AGBL4: variants seen among roughly 807,000 people sequenced by gnomAD.
AGBL4 encodes AGBL carboxypeptidase 4, also known as cytosolic carboxypeptidase 6.
A neutral mutation model predicts 66.4 loss-of-function variants in AGBL4; 58 were observed. The ratio of observed to expected loss-of-function variants is 0.87; its 90% CI spans 0.71 to 1.09. The LOEUF is 1.09. Ranked by LOEUF, AGBL4 falls within the 50% of genes least tolerant of loss-of-function variation. The probability of loss-of-function intolerance (pLI) is 0.00; values close to 1 mark genes in which losing one functional copy is unlikely to be tolerated. For missense variants in AGBL4, 579 were observed against 631.0 expected (o/e 0.92, Z 0.88); for synonymous variants, 234 against 222.9 (o/e 1.05, Z -0.44).
intron 5 of AGBL4, among the ~76,000 whole-genome samples, chr1:49,006,552 G>A (rs1260771860): frequency 6.6e-6 from 1 of 152,214 alleles, no homozygotes; most frequent in Non-Finnish European, 1.5e-5. Flanking sequence ...GCCTGCCTCT[G>A]TAGGCTCCAC....
At chr1:49,784,355 A>C (rs1488087738) in intron 2 of AGBL4, among the ~76,000 whole-genome samples, 2 of 152,122 alleles carry the variant, frequency 1.3e-5, no homozygotes, top group African/African-American at 2.4e-5. Flanking sequence ...TTTTTGACAC[A>C]GGTGCCAAGA....
rs1657860648 is a variant in AGBL4 at position 49,969,398 on chromosome 1, A to G, written c.34+54365T>C. Reference sequence around the variant, plus strand: ...GTGTGTGTGTGTGTATGTGTATGATACAGGCATATTTCTAAGTATACAACA... The same window carrying G: ...GTGTGTGTGTGTGTATGTGTATGATGCAGGCATATTTCTAAGTATACAACA... On this transcript the variant is annotated intron_variant, in intron 1 of 13. Transcript: ENST00000371839. Among the ~76,000 whole-genome samples, 5 of 152,148 alleles carry G rather than the reference A, an allele frequency of 3.3e-5. No homozygotes were observed. The South Asian group carries it at 1.0e-3, about 32-fold the overall frequency.
intron 6 of AGBL4, among the ~76,000 whole-genome samples, chr1:48,826,222 T>C (rs1490038854): frequency 6.6e-6 from 1 of 152,192 alleles, no homozygotes; most frequent in Non-Finnish European, 1.5e-5. Flanking sequence ...CCTCAGCTAC[T>C]ATCACATGCT....
chr1:49,677,445 A>C (rs1646602557), intron 3 of AGBL4, among the ~76,000 whole-genome samples: 1 of 151,698 alleles, frequency 6.6e-6, no homozygotes, highest in South Asian at 2.1e-4. Flanking sequence ...ACTGGAAAAA[A>C]CCCCACTTAG....
intron 2 of AGBL4, among the ~76,000 whole-genome samples, chr1:49,787,062 T>G (rs1246857006): frequency 6.6e-6 from 1 of 151,774 alleles, no homozygotes; most frequent in African/African-American, 2.4e-5. Flanking sequence ...GCTCCCTAAG[T>G]CCCCCCTGTA....
intron 1 of AGBL4, among the ~76,000 whole-genome samples, chr1:49,889,585 T>C (rs1648425764): frequency 1.3e-5 from 2 of 151,754 alleles, no homozygotes; most frequent in South Asian, 2.1e-4. Flanking sequence ...TGAAACCCCA[T>C]CTCTACTAAA....
chr1:49,657,117 C>G (rs1646155735), intron 3 of AGBL4, among the ~76,000 whole-genome samples: 1 of 152,188 alleles, frequency 6.6e-6, no homozygotes, highest in South Asian at 2.1e-4. Context: ...CCCATCGTCT[C>G]AGACCAAAAT....
intron 2 of AGBL4, among the ~76,000 whole-genome samples, chr1:49,819,749 C>T (rs1401581936): frequency 6.6e-6 from 1 of 152,146 alleles, no homozygotes; most frequent in Admixed American, 6.6e-5. Context: ...AGATCTCTTA[C>T]CTCAAGGGAG....
chr1:49,699,297 C>T (rs1241361930), intron 2 of AGBL4, among the ~76,000 whole-genome samples: 2 of 152,030 alleles, frequency 1.3e-5, no homozygotes, highest in African/African-American at 4.8e-5. Flanking sequence ...CTTCATCATT[C>T]TTGTGATGAG....
At chr1:48,914,778 T>C (rs1014630117) in intron 5 of AGBL4, among the ~76,000 whole-genome samples, 1 of 152,182 alleles carries the variant, frequency 6.6e-6, no homozygotes, top group Non-Finnish European at 1.5e-5. Context: ...AGTAGGTTAG[T>C]GCAGAGGCAA....
chr1:49,747,944 T>TTGTGTGTG (rs4012953), intron 2 of AGBL4, among the ~76,000 whole-genome samples: 115 of 147,558 alleles, frequency 7.8e-4, no homozygotes, highest in Admixed American at 1.6e-3. Flanking sequence ...GTGTGTGTGT[T>TTGTGTGTG]TGTGTGTGTG....
intron 2 of AGBL4, among the ~76,000 whole-genome samples, chr1:49,824,243 C>CATGGG: frequency 6.6e-6 from 1 of 151,940 alleles, no homozygotes; most frequent in East Asian, 1.9e-4. Flanking sequence ...AGGTAAGATG[C>CATGGG]ATGGGAAACC....
chr1:49,207,448 T>C (rs1648246880), intron 4 of AGBL4, among the ~76,000 whole-genome samples: 1 of 14,604 alleles, frequency 6.8e-5, no homozygotes, highest in Non-Finnish European at 1.5e-4. Flanking sequence ...TTCTTTTTCT[T>C]TCTTTCTTTT....
intron 3 of AGBL4, among the ~76,000 whole-genome samples, chr1:49,288,736 T>C (rs1394633334): frequency 6.6e-6 from 1 of 152,122 alleles, no homozygotes; most frequent in East Asian, 1.9e-4. Flanking sequence ...CCCAATACTG[T>C]TTGAGATGCC....
chr1:49,191,494 CG>C (rs1355254862), intron 4 of AGBL4, among the ~76,000 whole-genome samples: 1 of 152,128 alleles, frequency 6.6e-6, no homozygotes, highest in African/African-American at 2.4e-5. Flanking sequence ...AGGAAGTACA[CG>C]TGCAGGTTTG....
chr1:50,012,890 G>T (rs957645351), intron 1 of AGBL4, among the ~76,000 whole-genome samples: 2 of 152,076 alleles, frequency 1.3e-5, no homozygotes, highest in African/African-American at 4.8e-5. Context: ...CACGTTGATC[G>T]TAAGGATGTA....
chr1:49,014,781 T>A lies in AGBL4; in HGVS notation c.594+30803A>T, dbSNP rs1405839123. 4.6e-5 allele frequency among the ~76,000 whole-genome samples: 7 copies of A among 152,176 alleles called. No homozygotes were observed. The South Asian group carries it at 1.4e-3, about 32-fold the overall frequency. ...TCTCTCTCATGGAGCTACCTAATCATATATGAGCAGTAGCCATATAACTTA... is the reference window on the plus strand; with the variant it reads ...TCTCTCTCATGGAGCTACCTAATCAAATATGAGCAGTAGCCATATAACTTA... On this transcript the variant is annotated intron_variant, in intron 5 of 13. Coordinates refer to ENST00000371839, the MANE Select transcript of AGBL4 (RefSeq NM_032785.4).
intron 11 of AGBL4, among the ~76,000 whole-genome samples, chr1:48,569,163 C>T (rs1312222850): frequency 6.6e-6 from 1 of 152,192 alleles, no homozygotes; most frequent in Non-Finnish European, 1.5e-5. Context: ...ACCTAAGTCA[C>T]ACTGAATAGA....
At chr1:50,014,635 C>T (rs1661831716) in intron 1 of AGBL4, among the ~76,000 whole-genome samples, 2 of 150,258 alleles carry the variant, frequency 1.3e-5, no homozygotes, top group Admixed American at 1.3e-4. Context: ...AGCAATTCTC[C>T]TGCCTCAACC....
Sources: allele counts gnomAD v4.1 joint callset (sites outside exome capture counted in the v4.1 genomes callset), GRCh38; gene constraint gnomAD v4.1.1; transcripts MANE v1.5; gene names NCBI Gene and HGNC (gene_info 2026-07-23, HGNC 2026-07-21).